GOLGA4: variants seen among roughly 807,000 people sequenced by gnomAD.
The protein encoded by GOLGA4 is golgin A4, also known as golgin subfamily A member 4.
In GOLGA4, 169 loss-of-function variants were observed where a neutral mutation model predicts 265.9. The ratio of observed to expected loss-of-function variants is 0.64; its 90% CI spans 0.56 to 0.72. The LOEUF is 0.72. Among genes scored for constraint, GOLGA4 ranks in the 30% least tolerant of loss-of-function variants. GOLGA4 has a pLI of 0.00. For synonymous variants in GOLGA4, 923 were observed against 855.8 expected, an observed-to-expected ratio of 1.08 and a Z score of -1.37; for missense variants, 2,482 against 2,483.4, an observed-to-expected ratio of 1.00 and a Z score of 0.01.
intron 7 of GOLGA4, among the ~76,000 whole-genome samples, chr3:37,298,563 T>G (rs1041109323): frequency 3.3e-5 from 5 of 152,254 alleles, no homozygotes; most frequent in African/African-American, 1.2e-4. Flanking sequence ...GCTAATTTGT[T>G]AGTCCTACAA....
In GOLGA4 at chr3:37,327,775, A is replaced by G. The variant is rs2096976690; in HGVS notation, c.5889A>G (p.Glu1963=). 6.2e-7 allele frequency: 1 copy of G among 1,612,146 alleles called. No individual in the cohort carries two copies. ...TGTTGAGAAAGGAGCATCAGCAAGA[A>G]TTGGAAATACTAAAGAAAGAATATG... is the stretch of plus-strand genomic sequence containing the variant. ...LRMLRKEHQQ[E]LEILKKEYDQ... Residue 1963 remains glutamate, a synonymous_variant, in exon 14 of 24, where the codon GAA becomes GAG. Transcript: ENST00000361924.
chr3:37,295,011 T>C lies in GOLGA4; in HGVS notation c.615T>C (p.His205=). Residue 205 remains histidine (H), a synonymous_variant, in exon 6 of 24, where the codon CAT becomes CAC. Transcript: ENST00000361924. ...ELQMDQQAKK[H]LQEEFDASLE... is the part of the protein sequence containing the mutation. ...AAATGGACCAGCAGGCAAAGAAACATCTGCAAGAGGAGTTTGATGCATCTT... is the reference window on the plus strand; with the variant it reads ...AAATGGACCAGCAGGCAAAGAAACACCTGCAAGAGGAGTTTGATGCATCTT... 1 of 1,611,122 alleles carries C rather than the reference T, an allele frequency of 6.2e-7. No individual in the cohort carries two copies. Among genetic ancestry groups the C allele is most frequent in the Non-Finnish European group, 8.5e-7 (1 of 1,178,028 alleles).
chr3:37,333,396 TAA>T (rs2096998004), intron 16 of GOLGA4, among the ~76,000 whole-genome samples: 1 of 152,184 alleles, frequency 6.6e-6, no homozygotes, highest in Non-Finnish European at 1.5e-5. Context: ...TTTTAAATCT[TAA>T]AATAAGACTA....
Position 37,326,021 on chromosome 3 carries a change from T to G in GOLGA4, c.4135T>G (p.Leu1379Val). Reference sequence around the variant, plus strand: ...CAGTCTTAGTAAACAACTAACTGATTTGAATGTTCAGCTTCAAAATAGCAT... The same window carrying G: ...CAGTCTTAGTAAACAACTAACTGATGTGAATGTTCAGCTTCAAAATAGCAT... ...ISSLSKQLTD[L>V]NVQLQNSISL... is the part of the protein sequence containing the mutation. The change falls in exon 14 of 24, where the codon TTG becomes GTG. Residue 1379 changes from leucine to valine, a missense_variant. By Grantham distance (32) the Leu-to-Val change is conservative (BLOSUM62 1). Around this residue, in one of 3 missense-constraint regions of GOLGA4, gnomAD observed 942 missense variants for 983.1 expected, o/e 0.96. Coordinates refer to ENST00000361924, the MANE Select transcript of GOLGA4 (RefSeq NM_002078.5). 6.2e-7 allele frequency: 1 copy of G among 1,613,556 alleles called. No homozygotes were observed. The highest frequency in any genetic ancestry group is 8.5e-7 in the Non-Finnish European group (1 of 1,179,646).
chr3:37,314,575 A>G (rs536597309), intron 10 of GOLGA4, among the ~76,000 whole-genome samples: 2 of 151,722 alleles, frequency 1.3e-5, no homozygotes, highest in East Asian at 2.0e-4. Context: ...CGCGAGGCAG[A>G]GGTTGCAGTG....
chr3:37,301,510 T>G (rs1417474144), intron 9 of GOLGA4, among the ~76,000 whole-genome samples: 1 of 152,246 alleles, frequency 6.6e-6, no homozygotes, highest in Non-Finnish European at 1.5e-5. Flanking sequence ...TTTATTGTAG[T>G]GCCAAGCCAG....
At chr3:37,364,611 C>T (rs1367206425) in intron 23 of GOLGA4, among the ~76,000 whole-genome samples, 4 of 147,926 alleles carry the variant, frequency 2.7e-5, no homozygotes, top group African/African-American at 7.5e-5. Context: ...TTTTTTTTGC[C>T]CCCCAGCATG....
Position 37,243,485 on chromosome 3 carries a change from C to A in GOLGA4, c.-66C>A. 1 of 1,420,170 alleles carries A rather than the reference C, an allele frequency of 7.0e-7. No homozygotes were observed. Among genetic ancestry groups the A allele is most frequent in the Non-Finnish European group, 1.0e-6 (1 of 1,003,834 alleles). The allele number at this position is 1,420,170 out of a possible 1,614,324, so 88.0% of individuals were successfully genotyped here. A position where few individuals can be genotyped will look rare whatever the true frequency, so the allele number is the denominator to read the frequency against. On this transcript the variant is annotated 5_prime_UTR_variant, in exon 1 of 24. Coordinates refer to ENST00000361924, the MANE Select transcript of GOLGA4 (RefSeq NM_002078.5). The stretch of plus-strand genomic sequence containing the variant: ...AAAGAAGTCGCCGTAGCCGTCGCGG[C>A]CGGGACTCCCCGGGCTCTCGCCCTT...
In GOLGA4 at chr3:37,302,266, C is replaced by G. The variant is rs761886186; in HGVS notation, c.1168C>G (p.Arg390Gly). The G allele has an allele frequency of 3.7e-6, 6 of 1,612,546 alleles. No individual in the cohort carries two copies. The highest frequency in any genetic ancestry group is 2.2e-5 in the East Asian group (1 of 44,868). ...AGAAGAAATTGCTCAACTCCGTAGT[C>G]GCATCAAACAGATGACTACCCAGGG... ...KEEEIAQLRS[R>G]IKQMTTQGEE... The change falls in exon 10 of 24, where the codon CGC becomes GGC. Residue 390 changes from arginine to glycine, a missense_variant. Coordinates refer to ENST00000361924, the MANE Select transcript of GOLGA4 (RefSeq NM_002078.5).
At chr3:37,276,581 C>G (rs556757750) in intron 2 of GOLGA4, 1 of 1,589,304 alleles carries the variant, frequency 6.3e-7, no homozygotes, top group Non-Finnish European at 8.6e-7. Flanking sequence ...ATGTGGAAAT[C>G]GATGGAAGTT....
intron 18 of GOLGA4, 31 bp downstream of exon 18, chr3:37,337,194 T>C: frequency 7.8e-6 from 9 of 1,148,612 alleles, no homozygotes; most frequent in East Asian, 2.4e-5. Context: ...TTTTTTTTTC[T>C]TTTTTTTCTT....
chr3:37,264,195 A>G (rs558498309), intron 2 of GOLGA4, among the ~76,000 whole-genome samples: 1 of 152,154 alleles, frequency 6.6e-6, no homozygotes, highest in Non-Finnish European at 1.5e-5. Flanking sequence ...TGAAGTTTTG[A>G]ATTATTTTCT....
Position 37,324,438 on chromosome 3 carries a change from A to T in GOLGA4, c.2552A>T (p.Asp851Val), listed in dbSNP as rs1027484872. Residue 851 changes from aspartate to valine, a missense_variant, in exon 14 of 24, where the codon GAT (aspartate) becomes GTT (valine). Around this residue, in one of 3 missense-constraint regions of GOLGA4, gnomAD observed 1,536 missense variants for 1,483.7 expected, o/e 1.04. Coordinates refer to ENST00000361924, the MANE Select transcript of GOLGA4 (RefSeq NM_002078.5). ...QVAEVEAQKK[D>V]VCTELDAHKI... is the part of the protein sequence containing the mutation. ...GCTGAAGTTGAAGCACAAAAGAAAGATGTTTGTACTGAGTTAGATGCTCAC... is the reference window on the plus strand; with the variant it reads ...GCTGAAGTTGAAGCACAAAAGAAAGTTGTTTGTACTGAGTTAGATGCTCAC... 42 of 1,614,166 alleles carry T rather than the reference A, an allele frequency of 2.6e-5. No homozygotes were observed. Among genetic ancestry groups the T allele is most frequent in the Non-Finnish European group, 3.5e-5 (41 of 1,180,006 alleles).
intron 10 of GOLGA4, among the ~76,000 whole-genome samples, chr3:37,305,211 G>A (rs929573942): frequency 3.3e-5 from 5 of 152,092 alleles, no homozygotes; most frequent in African/African-American, 9.7e-5. Flanking sequence ...GAGCCACTGC[G>A]CCCTGCCAGA....
intron 2 of GOLGA4, among the ~76,000 whole-genome samples, chr3:37,271,567 G>T (rs1014016354): frequency 2.6e-5 from 4 of 152,050 alleles, no homozygotes; most frequent in African/African-American, 9.7e-5. Flanking sequence ...ATAACTCATG[G>T]CCATCTTGTT....
intron 2 of GOLGA4, among the ~76,000 whole-genome samples, chr3:37,255,251 C>T (rs2096745303): frequency 6.6e-6 from 1 of 152,070 alleles, no homozygotes; most frequent in African/African-American, 2.4e-5. Context: ...ACCTCCACCT[C>T]CCGGGTTCAA....
At chr3:37,250,826 T>C (rs2096731748) in intron 1 of GOLGA4, among the ~76,000 whole-genome samples, 1 of 152,138 alleles carries the variant, frequency 6.6e-6, no homozygotes, top group Non-Finnish European at 1.5e-5. Flanking sequence ...ATTACAGAGC[T>C]AAATGGAATA....
intron 2 of GOLGA4, among the ~76,000 whole-genome samples, chr3:37,277,554 G>A (rs1419259203): frequency 1.3e-5 from 2 of 152,130 alleles, no homozygotes; most frequent in Admixed American, 6.5e-5. Context: ...TTAAAGCGGT[G>A]GTCTTTCCAT....
At position 37,324,898 on chromosome 3, in the gene GOLGA4, G is replaced by A; in HGVS notation, c.3012G>A (p.Leu1004=). The change falls in exon 14 of 24, where the codon CTG becomes CTA. Residue 1004 remains leucine (L), a synonymous_variant. Coordinates refer to ENST00000361924, the MANE Select transcript of GOLGA4 (RefSeq NM_002078.5). The part of the protein sequence containing the change: ...QKEKQFNAKM[L]EMAQANSAGI... ...AAAAACAGTTTAATGCCAAAATGCT[G>A]GAAATGGCACAGGCTAACTCAGCTG... 1.9e-6 allele frequency: 3 copies of A among 1,602,862 alleles called. No individual in the cohort carries two copies. The South Asian group carries it at 3.4e-5, about 18-fold the overall frequency.
Sources: gnomAD v4.1 joint callset for allele counts (sites outside exome capture counted in the v4.1 genomes callset) on GRCh38, gnomAD v4.1.1 for gene constraint, gnomAD v4.1.1 regional missense constraint, MANE v1.5 for transcripts, NCBI Gene and HGNC (gene_info 2026-07-23, HGNC 2026-07-21) for gene names.